GBF1: variants seen among roughly 807,000 people sequenced by gnomAD.
GBF1 encodes the protein golgi brefeldin A resistant guanine nucleotide exchange factor 1.
Under a neutral mutation model 210.5 loss-of-function variants are expected in GBF1, and 114 were observed. The observed-to-expected ratio is 0.54, with a 90% CI of 0.47 to 0.63. The LOEUF is 0.63. Among genes scored for constraint, GBF1 ranks in the 30% least tolerant of loss-of-function variants. The probability of loss-of-function intolerance (pLI) is 0.00; values close to 1 mark genes in which losing one functional copy is unlikely to be tolerated. For missense variants in GBF1, 1,851 were observed against 2,357.7 expected, an observed-to-expected ratio of 0.79 and a Z score of 4.45; for synonymous variants, 850 against 889.2, an observed-to-expected ratio of 0.96 and a Z score of 0.78.
At chr10:102,269,971 C>T (rs569094909) in intron 3 of GBF1, among the ~76,000 whole-genome samples, 4 of 151,884 alleles carry the variant, frequency 2.6e-5, no homozygotes, top group East Asian at 1.9e-4. Context: ...CTCTGCCTTC[C>T]GGGTTCACGC....
chr10:102,351,126 C>T, intron 4 of GBF1, 130 bp from the exon 5 acceptor site: 2 of 552,318 alleles, frequency 3.6e-6, no homozygotes, highest in Non-Finnish European at 6.4e-6. Flanking sequence ...CAAAAATTCT[C>T]AGGTAGCTCA....
rs398046214 is a variant in GBF1 at position 102,338,237 on chromosome 10, C to CTTTTTTT, written c.164-5799_164-5793dup. Among the ~76,000 whole-genome samples the CTTTTTTT allele has an allele frequency of 8.0e-4, 91 of 114,150 alleles. 3 individuals are homozygous for CTTTTTTT. Among genetic ancestry groups the CTTTTTTT allele is most frequent in the African/African-American group, 2.6e-3 (76 of 29,566 alleles). 74.9% of individuals were successfully genotyped at this position (114,150 alleles called of 152,430 possible). A position where few individuals can be genotyped will look rare whatever the true frequency, so the allele number is the denominator to read the frequency against. ...AGTCATAGATTCCAACAACCTTCTT[C>CTTTTTTT]TTTTTTTTTTTTTTTTTTTTTGAGA... On this transcript the variant is annotated intron_variant, in intron 3 of 39. Coordinates refer to ENST00000369983, the MANE Select transcript of GBF1 (RefSeq NM_001377137.1).
intron 21 of GBF1, 142 bp from the exon 22 acceptor site, chr10:102,368,076 T>G (rs2060004967): frequency 7.3e-6 from 5 of 681,492 alleles, no homozygotes; most frequent in Non-Finnish European, 1.3e-5. Flanking sequence ...CTCCCACTGG[T>G]GGGTGGAAAG....
chr10:102,342,007 A>C (rs1227333411), intron 3 of GBF1, among the ~76,000 whole-genome samples: 1 of 152,046 alleles, frequency 6.6e-6, no homozygotes, highest in African/African-American at 2.4e-5. Flanking sequence ...CTAAAGCAGC[A>C]AGACTAGATG....
intron 29 of GBF1, among the ~76,000 whole-genome samples, chr10:102,371,135 C>T (rs1043281951): frequency 2.0e-5 from 3 of 152,180 alleles, no homozygotes; most frequent in South Asian, 2.1e-4. Flanking sequence ...AGCCCTATAC[C>T]TGGTTTCCTG....
At chr10:102,321,600 C>T (rs11191257) in intron 3 of GBF1, among the ~76,000 whole-genome samples, 2 of 152,194 alleles carry the variant, frequency 1.3e-5, no homozygotes, top group Non-Finnish European at 2.9e-5. Flanking sequence ...GACGGAGTCT[C>T]GCTCTACTAC....
At chr10:102,308,152 A>G (rs2078078629) in intron 3 of GBF1, among the ~76,000 whole-genome samples, 1 of 150,574 alleles carries the variant, frequency 6.6e-6, no homozygotes, top group Non-Finnish European at 1.5e-5. Context: ...ATATATGTTC[A>G]CCAAAAGATG....
intron 29 of GBF1, among the ~76,000 whole-genome samples, chr10:102,374,490 C>T (rs1217445782): frequency 1.3e-5 from 2 of 152,008 alleles, no homozygotes; most frequent in Non-Finnish European, 2.9e-5. Context: ...GAGGCTGAGA[C>T]AGGAGGATCA....
chr10:102,368,558 G>A lies in GBF1; in HGVS notation c.2879+104G>A, dbSNP rs776348613. On this transcript the variant is annotated intron_variant, in intron 22 of 39. Transcript: ENST00000369983. Reference sequence around the variant, plus strand: ...CCTACTGTTACTTCATTAGAATGGGGTTCCCCCTGAGTTTTTGGAGGGAGG... The same window carrying A: ...CCTACTGTTACTTCATTAGAATGGGATTCCCCCTGAGTTTTTGGAGGGAGG... 1.9e-4 allele frequency: 165 copies of A among 860,418 alleles called. No individual in the cohort carries two copies. The Middle Eastern group carries it at 2.7e-3, about 14-fold the overall frequency. The allele number at this position is 860,418 out of a possible 1,614,324, so 53.3% of individuals were successfully genotyped here.
At position 102,382,125 on chromosome 10, in the gene GBF1, C is replaced by T. The variant is rs2060896684; in HGVS notation, c.5372C>T (p.Pro1791Leu). ...CCAGGATCACCAGTGGCCTCAAGCC[C>T]CAGCAGGCTGAGCCCCACCCCCGAC... ...SSPGSPVASS[P>L]SRLSPTPDGP... Residue 1791 changes from proline to leucine, a missense_variant, in exon 40 of 40, where the codon CCC (proline) becomes CTC (leucine). Physicochemically the swap from Pro to Leu is moderately conservative, Grantham distance 98 (BLOSUM62 -3). Transcript: ENST00000369983. The T allele has an allele frequency of 3.1e-6, 5 of 1,608,184 alleles. No individual in the cohort carries two copies. The highest frequency in any genetic ancestry group is 4.3e-6 in the Non-Finnish European group (5 of 1,176,452).
At chr10:102,370,515 G>A in intron 28 of GBF1, 37 bp downstream of exon 28, 1 of 1,517,464 alleles carries the variant, frequency 6.6e-7, no homozygotes, top group Non-Finnish European at 9.2e-7. Flanking sequence ...ACCCCATGCT[G>A]GGCTTGTGCC....
At position 102,369,292 on chromosome 10, in the gene GBF1, C is replaced by T. The variant is rs1378917670; in HGVS notation, c.3055C>T (p.Arg1019Cys). The T allele has an allele frequency of 1.4e-5, 22 of 1,613,564 alleles. No individual in the cohort carries two copies. The highest frequency in any genetic ancestry group is 1.7e-5 in the Non-Finnish European group (20 of 1,179,564). Reference sequence around the variant, plus strand: ...CAAGACAGTATTCCATTTGGCCCATCGTCATGGTGACATCCTGCGGGAGGG... The same window carrying T: ...CAAGACAGTATTCCATTTGGCCCATTGTCATGGTGACATCCTGCGGGAGGG... ...AAKTVFHLAHRHGDILREGWK... is the reference protein window; with the variant it reads ...AAKTVFHLAHCHGDILREGWK... The change falls in exon 24 of 40, where the codon CGT becomes TGT. Residue 1019 changes from arginine (R) to cysteine (C), a missense_variant. Physicochemically the swap from Arg to Cys is radical, Grantham distance 180 (BLOSUM62 -3). Transcript: ENST00000369983.
At chr10:102,249,553 T>C (rs2071241291) in intron 1 of GBF1, among the ~76,000 whole-genome samples, 1 of 152,176 alleles carries the variant, frequency 6.6e-6, no homozygotes, top group Non-Finnish European at 1.5e-5. Flanking sequence ...CTTCCACCCT[T>C]TAAGTAAATT....
chr10:102,265,976 G>A (rs2073824668), intron 3 of GBF1, among the ~76,000 whole-genome samples: 2 of 152,104 alleles, frequency 1.3e-5, no homozygotes, highest in South Asian at 2.1e-4. Context: ...GGTGGCTCAC[G>A]CCTGTAATCC....
Position 102,363,762 on chromosome 10 carries a change from TC to T in GBF1, c.2072del (p.Pro691HisfsTer4). ...CCCGATTTTCCTGTCTCCTGCCAGA[TC>T]CACGGGAACTAATTGAAATTAAAAA... ...PPRFSCLLPD[P>X]RELIEIKNKK... On this transcript the variant is annotated frameshift_variant, in exon 17 of 40. Transcript: ENST00000369983. LOFTEE classifies it high-confidence loss of function. The surrounding 1 kb of genome is among the most constrained non-coding windows in gnomAD (Gnocchi z 4.2). The T allele has an allele frequency of 6.2e-7, 1 of 1,613,068 alleles. No individual in the cohort carries two copies. Among genetic ancestry groups the T allele is most frequent in the Non-Finnish European group, 8.5e-7 (1 of 1,179,096 alleles).
chr10:102,325,385 A>C (rs551060215), intron 3 of GBF1, among the ~76,000 whole-genome samples: 1 of 152,074 alleles, frequency 6.6e-6, no homozygotes, highest in East Asian at 2.0e-4. Context: ...CCCCGTCTCT[A>C]CTAAAAATGC....
chr10:102,362,132 C>T (rs2059649331), intron 14 of GBF1, among the ~76,000 whole-genome samples: 2 of 141,534 alleles, frequency 1.4e-5, no homozygotes, highest in South Asian at 4.6e-4. Context: ...TCTCGGCTCA[C>T]TGCAAGCTCC....
chr10:102,360,425 G>C, intron 12 of GBF1, 30 bp downstream of exon 12: 12 of 1,453,164 alleles, frequency 8.3e-6, no homozygotes, highest in Non-Finnish European at 1.2e-5. Flanking sequence ...GGGTCTCAGA[G>C]CCTCTTTCAA....
intron 1 of GBF1, among the ~76,000 whole-genome samples, chr10:102,253,254 C>G (rs1316863732): frequency 6.6e-6 from 1 of 152,070 alleles, no homozygotes; most frequent in Non-Finnish European, 1.5e-5. Context: ...TGGCTGCCAC[C>G]CAGCTTGAAA....
Sources: allele counts gnomAD v4.1 joint callset (sites outside exome capture counted in the v4.1 genomes callset), GRCh38; gene constraint gnomAD v4.1.1; non-coding constraint Gnocchi (gnomAD v3.1); transcripts MANE v1.5; gene names NCBI Gene and HGNC (gene_info 2026-07-23, HGNC 2026-07-21).